The following IL1RAPL1 variants were observed in gnomAD, a reference collection of about 807,000 sequenced individuals.
IL1RAPL1 encodes interleukin 1 receptor accessory protein like 1, also known as interleukin-1 receptor accessory protein-like 1.
Under a neutral mutation model 48.4 loss-of-function variants are expected in IL1RAPL1, and 3 were observed. The observed-to-expected ratio is 0.06, with a 90% CI of 0.03 to 0.16. The LOEUF is 0.16. Ranked by LOEUF, IL1RAPL1 falls within the 10% of genes least tolerant of loss-of-function variation. IL1RAPL1 has a pLI of 1.00. For missense variants in IL1RAPL1, 349 were observed against 530.6 expected, an observed-to-expected ratio of 0.66 and a Z score of 3.36; for synonymous variants, 185 against 187.7, an observed-to-expected ratio of 0.99 and a Z score of 0.12.
At chrX:28,995,655 C>G (rs1925708506) in intron 2 of IL1RAPL1, among the ~76,000 whole-genome samples, 1 of 111,186 alleles carries the variant, frequency 9.0e-6, no homozygotes, top group Admixed American at 9.6e-5. Context: ...TCCAAAAACA[C>G]CTCAATGCCA....
chrX:28,720,617 A>G (rs1935561332), intron 1 of IL1RAPL1, among the ~76,000 whole-genome samples: 1 of 112,004 alleles, frequency 8.9e-6, no homozygotes, highest in South Asian at 3.7e-4. Context: ...TTTTATTATT[A>G]TACTTTAAGT....
At chrX:29,213,638 G>A (rs944008960) in intron 2 of IL1RAPL1, among the ~76,000 whole-genome samples, 3 of 112,701 alleles carry the variant, frequency 2.7e-5, no homozygotes, top group African/African-American at 9.7e-5. Context: ...AGCCACAGAT[G>A]CTTCCCACAT....
chrX:29,742,417 A>G (rs1395595315), intron 6 of IL1RAPL1, among the ~76,000 whole-genome samples: 1 of 110,957 alleles, frequency 9.0e-6, no homozygotes, highest in East Asian at 2.8e-4. Context: ...TGGCCAAACC[A>G]TGATGTAAAT....
At chrX:29,676,586 TATAAC>T (rs1176752824) in intron 6 of IL1RAPL1, among the ~76,000 whole-genome samples, 2 of 111,822 alleles carry the variant, frequency 1.8e-5, no homozygotes, top group Non-Finnish European at 3.8e-5. Flanking sequence ...AGTACATAGT[TATAAC>T]AGAAGAAAAC....
chrX:29,218,221 A>T (rs1930913438), intron 2 of IL1RAPL1, among the ~76,000 whole-genome samples: 1 of 112,109 alleles, frequency 8.9e-6, no homozygotes, highest in Non-Finnish European at 1.9e-5. Context: ...TATAAATATC[A>T]ACCTGGACAC....
chrX:28,839,906 G>A (rs1373411994), intron 2 of IL1RAPL1, among the ~76,000 whole-genome samples: 2 of 110,430 alleles, frequency 1.8e-5, no homozygotes, highest in African/African-American at 6.6e-5. Flanking sequence ...AAAAGAACAA[G>A]TAAGTAAAGT....
chrX:29,292,398 A>G lies in IL1RAPL1; in HGVS notation c.362+9181A>G, dbSNP rs189432388. 5.1e-4 allele frequency among the ~76,000 whole-genome samples: 57 copies of G among 111,597 alleles called. No individual in the cohort carries two copies. The East Asian group carries it at 5.3e-3, about 10-fold the overall frequency. The stretch of plus-strand genomic sequence containing the variant: ...TCACCTGGTGGAAATAAAAACTAAT[A>G]AAGTGTTAGATCTGATAGACCCAAA... On this transcript the variant is annotated intron_variant, in intron 3 of 10. Transcript: ENST00000378993.
chrX:29,949,435 G>A (rs1464553778), intron 9 of IL1RAPL1, among the ~76,000 whole-genome samples: 3 of 111,575 alleles, frequency 2.7e-5, no homozygotes, highest in East Asian at 2.8e-4. Context: ...CATATCTGCC[G>A]GGGTCTTTTG....
At chrX:29,207,404 G>A (rs1012388794) in intron 2 of IL1RAPL1, among the ~76,000 whole-genome samples, 4 of 112,010 alleles carry the variant, frequency 3.6e-5, no homozygotes, top group African/African-American at 1.3e-4. Flanking sequence ...CCAAAATTTC[G>A]AATTTTGACC....
chrX:28,956,012 T>C (rs1924599327), intron 2 of IL1RAPL1, among the ~76,000 whole-genome samples: 1 of 105,471 alleles, frequency 9.5e-6, no homozygotes, highest in Non-Finnish European at 1.9e-5. Context: ...TTCCTAGGTA[T>C]TTTATTCTCT....
rs143489370 is a variant in IL1RAPL1, at chrX:29,495,099, C to T, written c.703+95791C>T. 9.9e-3 allele frequency among the ~76,000 whole-genome samples: 1,109 copies of T among 112,086 alleles called. 12 individuals carry two copies. Among genetic ancestry groups the T allele is most frequent in the African/African-American group, 0.035 (1,067 of 30,877 alleles). ...TTATAGTCATTGAGGTCTTTCAATT[C>T]CCAGCTCCCATATGTTAAATCTACC... On this transcript the variant is annotated intron_variant, in intron 5 of 10. Coordinates refer to ENST00000378993, the MANE Select transcript of IL1RAPL1 (RefSeq NM_014271.4).
At chrX:28,873,523 C>CTTTT (rs10554661) in intron 2 of IL1RAPL1, among the ~76,000 whole-genome samples, 785 of 56,560 alleles carry the variant, frequency 0.014, 1 homozygote, top group Non-Finnish European at 0.02. Context: ...TTCTTTCTTT[C>CTTTT]TTTTTTTTTT....
intron 6 of IL1RAPL1, among the ~76,000 whole-genome samples, chrX:29,882,956 T>C (rs938116517): frequency 3.6e-5 from 4 of 111,649 alleles, no homozygotes; most frequent in African/African-American, 1.3e-4. Flanking sequence ...GAGAGGGACA[T>C]AATAATCAGT....
At chrX:29,438,378 T>C (rs1602235080) in intron 5 of IL1RAPL1, among the ~76,000 whole-genome samples, 1 of 111,550 alleles carries the variant, frequency 9.0e-6, no homozygotes. Context: ...TTGAATTTCA[T>C]TGATTTCTGC....
chrX:28,811,449 C>T (rs1349331702), intron 2 of IL1RAPL1, among the ~76,000 whole-genome samples: 1 of 110,255 alleles, frequency 9.1e-6, no homozygotes, highest in Non-Finnish European at 1.9e-5. Flanking sequence ...GCATAGATTG[C>T]TATCAATATT....
At chrX:28,611,364 G>A (rs1358217893) in intron 1 of IL1RAPL1, among the ~76,000 whole-genome samples, 1 of 111,269 alleles carries the variant, frequency 9.0e-6, no homozygotes, top group Non-Finnish European at 1.9e-5. Context: ...GTTAGGTGCT[G>A]GAGGTACAAA....
intron 2 of IL1RAPL1, among the ~76,000 whole-genome samples, chrX:29,114,458 T>C (rs1306191346): frequency 8.9e-6 from 1 of 112,206 alleles, no homozygotes; most frequent in African/African-American, 3.2e-5. Flanking sequence ...CTTCCCTTTA[T>C]TGATGTCTTC....
intron 5 of IL1RAPL1, among the ~76,000 whole-genome samples, chrX:29,425,633 G>A (rs1934341279): frequency 9.0e-6 from 1 of 111,347 alleles, no homozygotes; most frequent in Non-Finnish European, 1.9e-5. Context: ...AGGCTGGAGT[G>A]CAGTGGCATG....
At chrX:28,837,809 C>T (rs1432207276) in intron 2 of IL1RAPL1, among the ~76,000 whole-genome samples, 1 of 105,314 alleles carries the variant, frequency 9.5e-6, no homozygotes, top group African/African-American at 3.5e-5. Flanking sequence ...TGTCTACCAC[C>T]ACCCTTCCCT....
Sources: gnomAD v4.1 joint callset for allele counts (sites outside exome capture counted in the v4.1 genomes callset) on GRCh38, gnomAD v4.1.1 for gene constraint, MANE v1.5 for transcripts, NCBI Gene and HGNC (gene_info 2026-07-23, HGNC 2026-07-21) for gene names.